RAVER1: variants seen among roughly 807,000 people sequenced by gnomAD.
RAVER1 encodes the protein ribonucleoprotein PTB-binding 1.
RAVER1 carries 36 observed loss-of-function variants against 68.4 expected under a neutral mutation model. The ratio of observed to expected loss-of-function variants is 0.53; its 90% CI spans 0.40 to 0.70. The LOEUF (loss-of-function observed/expected upper bound fraction) is 0.70. Among genes scored for constraint, RAVER1 ranks in the 30% least tolerant of loss-of-function variants. The pLI is 0.00. For missense variants in RAVER1, 933 were observed against 1,019.8 expected (o/e 0.91, Z 1.16); for synonymous variants, 469 against 472.7 (o/e 0.99, Z 0.10).
Position 10,333,241 on chromosome 19 carries a change from C to A in RAVER1, c.219+48G>T. 1 of 1,554,666 alleles carries A rather than the reference C, an allele frequency of 6.4e-7. No individual in the cohort carries two copies. The highest frequency in any genetic ancestry group is 1.9e-4 in the Middle Eastern group (1 of 5,240). On this transcript the variant is annotated intron_variant, in intron 1 of 12. Transcript: ENST00000617231. The surrounding 1 kb of genome is among the most constrained non-coding windows in gnomAD (Gnocchi z 4.2). ...TGTCGCCCGGTTCCCCCCGCGCACG[C>A]GCACCGTGGTATTTCCCGCCACGCT... is the stretch of plus-strand genomic sequence containing the variant.
rs371778144 is a variant in RAVER1, at chr19:10,322,260, T to C, written c.1173+385A>G. On this transcript the variant is annotated intron_variant, in intron 6 of 12. Coordinates refer to ENST00000617231, the MANE Select transcript of RAVER1 (RefSeq NM_133452.3). The surrounding 1 kb of genome is among the most constrained non-coding windows in gnomAD (Gnocchi z 4.3). Reference sequence around the variant, plus strand: ...TGTGTGTGTGCACACACTGAGGGGATAGACCTGGAGTTTTTTCCCAGGCAT... The same window carrying C: ...TGTGTGTGTGCACACACTGAGGGGACAGACCTGGAGTTTTTTCCCAGGCAT... 4.5e-5 allele frequency: 11 copies of C among 242,276 alleles called. No individual in the cohort carries two copies. The highest frequency in any genetic ancestry group is 1.2e-4 in the African/African-American group (5 of 43,296). The allele number at this position is 242,276 out of a possible 1,614,324, so 15.0% of individuals were successfully genotyped here.
In RAVER1 at chr19:10,322,766, G is replaced by C; in HGVS notation, c.1079-27C>G. The C allele has an allele frequency of 1.5e-6, 2 of 1,347,074 alleles. No homozygotes were observed. Among genetic ancestry groups the C allele is most frequent in the Non-Finnish European group, 2.0e-6 (2 of 1,018,966 alleles). 83.4% of individuals were successfully genotyped at this position (1,347,074 alleles called of 1,614,324 possible). A position where few individuals can be genotyped will look rare whatever the true frequency, so the allele number is the denominator to read the frequency against. On this transcript the variant is annotated intron_variant, in intron 5 of 12. Transcript: ENST00000617231. This position sits in a 1 kb window ranked among gnomAD's most constrained non-coding sequence, Gnocchi z 4.3. ...TGGAGGGAGACATAGGAGGATGTGTGGGGGTCCCTGTGTCCTCCCTGCCCC... is the reference window on the plus strand; with the variant it reads ...TGGAGGGAGACATAGGAGGATGTGTCGGGGTCCCTGTGTCCTCCCTGCCCC...
At position 10,320,688 on chromosome 19, in the gene RAVER1, T is replaced by C. The variant is rs2145068335; in HGVS notation, c.1737A>G (p.Gly579=). Residue 579 remains glycine, a synonymous_variant, in exon 9 of 13, where the codon GGA becomes GGG. Transcript: ENST00000617231. ...LSSARLPPEP[G]LSDSYSFDYP... Reference sequence around the variant, plus strand: ...AGTCGAAGCTGTAGCTGTCAGACAGTCCTGGTTCGGGGGGCAGGCGGGCGC... The same window carrying C: ...AGTCGAAGCTGTAGCTGTCAGACAGCCCTGGTTCGGGGGGCAGGCGGGCGC... The C allele has an allele frequency of 1.9e-6, 3 of 1,551,834 alleles. No homozygotes were observed. The highest frequency in any genetic ancestry group is 2.6e-6 in the Non-Finnish European group (3 of 1,154,452).
intron 3 of RAVER1, among the ~76,000 whole-genome samples, chr19:10,325,467 G>A (rs2040467940): frequency 6.6e-6 from 1 of 152,006 alleles, no homozygotes; most frequent in Admixed American, 6.6e-5. Context: ...CAGACCTCGT[G>A]ATGCACCCAC....
rs2040536024 is a variant in RAVER1, at chr19:10,333,171, T to G, written c.219+118A>C. ...CTCTCCCGATCCCGCGTGGATCCGGTGCTTGGGCGCCCCCGCCAACGACCC... is the reference window on the plus strand; with the variant it reads ...CTCTCCCGATCCCGCGTGGATCCGGGGCTTGGGCGCCCCCGCCAACGACCC... On this transcript the variant is annotated intron_variant, in intron 1 of 12. Transcript: ENST00000617231. This position sits in a 1 kb window ranked among gnomAD's most constrained non-coding sequence, Gnocchi z 4.2. 2.0e-6 allele frequency: 2 copies of G among 1,015,118 alleles called. No individual in the cohort carries two copies. Among genetic ancestry groups the G allele is most frequent in the African/African-American group, 3.2e-5 (2 of 61,920 alleles). The allele number at this position is 1,015,118 out of a possible 1,614,324, so 62.9% of individuals were successfully genotyped here.
In RAVER1 at chr19:10,329,966, T is replaced by C. The variant is rs1250277738; in HGVS notation, c.286+494A>G. Among the ~76,000 whole-genome samples the C allele has an allele frequency of 6.6e-6, 1 of 151,526 alleles. No homozygotes were observed. The highest frequency in any genetic ancestry group is 1.5e-5 in the Non-Finnish European group (1 of 67,884). On this transcript the variant is annotated intron_variant, in intron 2 of 12. Coordinates refer to ENST00000617231, the MANE Select transcript of RAVER1 (RefSeq NM_133452.3). This position sits in a 1 kb window ranked among gnomAD's most constrained non-coding sequence, Gnocchi z 4.6. ...GTAGAAACCCTGTCTCTACTAAAAATACAAAAATTAGCCGGGCATGGTGGC... is the reference window on the plus strand; with the variant it reads ...GTAGAAACCCTGTCTCTACTAAAAACACAAAAATTAGCCGGGCATGGTGGC...
At position 10,322,304 on chromosome 19, in the gene RAVER1, CAGAGTCTATTCACAAACTGGT is replaced by C. The variant is rs1236068385; in HGVS notation, c.1173+320_1173+340del. 1.9e-5 allele frequency: 6 copies of C among 323,138 alleles called. No individual in the cohort carries two copies. Among genetic ancestry groups the C allele is most frequent in the African/African-American group, 1.3e-4 (6 of 45,360 alleles). The allele number at this position is 323,138 out of a possible 1,614,324, so 20.0% of individuals were successfully genotyped here. On this transcript the variant is annotated intron_variant, in intron 6 of 12. Coordinates refer to ENST00000617231, the MANE Select transcript of RAVER1 (RefSeq NM_133452.3). This position sits in a 1 kb window ranked among gnomAD's most constrained non-coding sequence, Gnocchi z 4.3. The stretch of plus-strand genomic sequence containing the variant: ...CAGGCATGTCTATAGAGCTTCCGAG[CAGAGTCTATTCACAAACTGGT>C]GCCCAGCAGCGGCGCTCCCAGCCCA...
intron 1 of RAVER1, among the ~76,000 whole-genome samples, chr19:10,331,356 C>CAAAAAAAAAAAAAAAAAA (rs58419369): frequency 6.9e-5 from 2 of 29,172 alleles, no homozygotes; most frequent in Non-Finnish European, 1.1e-4. Context: ...GACTCCGTCT[C>CAAAAAAAAAAAAAAAAAA]AAAAAAAAAA....
intron 10 of RAVER1, 109 bp downstream of exon 10, chr19:10,319,057 A>G: frequency 9.4e-6 from 10 of 1,064,064 alleles, no homozygotes; most frequent in East Asian, 2.7e-5. Flanking sequence ...AAAAACCCAC[A>G]AAGAACACAC....
Position 10,328,774 on chromosome 19 carries a change from C to T in RAVER1, c.624G>A (p.Thr208=), listed in dbSNP as rs760895747. ...LGPRTLYVHW[T]DAGQLTPALL... ...GGGCAGGCGTCAGTTGCCCGGCATC[C>T]GTCCAGTGCACGTAGAGGGTGCGTG... The change falls in exon 3 of 13, where the codon ACG becomes ACA. Residue 208 remains threonine, a synonymous_variant. Transcript: ENST00000617231. The surrounding 1 kb of genome is among the most constrained non-coding windows in gnomAD (Gnocchi z 4.4). 9.0e-5 allele frequency: 145 copies of T among 1,612,994 alleles called. No individual in the cohort carries two copies. The highest frequency in any genetic ancestry group is 3.7e-4 in the Admixed American group (22 of 59,990).
chr19:10,317,425 G>A lies in RAVER1; in HGVS notation c.*29C>T. 6.2e-7 allele frequency: 1 copy of A among 1,611,390 alleles called. No homozygotes were observed. Among genetic ancestry groups the A allele is most frequent in the African/African-American group, 1.3e-5 (1 of 75,014 alleles). On this transcript the variant is annotated 3_prime_UTR_variant, in exon 13 of 13. Coordinates refer to ENST00000617231, the MANE Select transcript of RAVER1 (RefSeq NM_133452.3). The surrounding 1 kb of genome is among the most constrained non-coding windows in gnomAD (Gnocchi z 4.3). ...AAAACCCAAAAGCGATTTGGTGCAG[G>A]CCCTTGAGTTATCTCTGGTGCCAGC... is the stretch of plus-strand genomic sequence containing the variant.
chr19:10,320,099 C>T (rs2040424409), intron 9 of RAVER1, among the ~76,000 whole-genome samples: 1 of 152,094 alleles, frequency 6.6e-6, no homozygotes, highest in South Asian at 2.1e-4. Flanking sequence ...GAGAGAAAGA[C>T]AGACGCAGGA....
chr19:10,318,308 G>A lies in RAVER1; in HGVS notation c.1910C>T (p.Ser637Phe), dbSNP rs1482557403. The A allele has an allele frequency of 6.3e-7, 1 of 1,594,844 alleles. No homozygotes were observed. The highest frequency in any genetic ancestry group is 8.5e-7 in the Non-Finnish European group (1 of 1,172,238). The change falls in exon 11 of 13, where the codon TCT becomes TTT. Residue 637 changes from serine to phenylalanine, a missense_variant. Physicochemically the swap from Ser to Phe is radical, Grantham distance 155 (BLOSUM62 -2). Around this residue, in one of 3 missense-constraint regions of RAVER1, gnomAD observed 699 missense variants for 731.1 expected, o/e 0.96. Coordinates refer to ENST00000617231, the MANE Select transcript of RAVER1 (RefSeq NM_133452.3). ...AGTGGGCGAGCCTGAATAGAAGTGAGACAGGGGGCCCCCGCCACTCCCACC... is the reference window on the plus strand; with the variant it reads ...AGTGGGCGAGCCTGAATAGAAGTGAAACAGGGGGCCCCCGCCACTCCCACC... ...SSGGSGGGPL[S>F]HFYSGSPTSY...
chr19:10,318,365 G>C lies in RAVER1; in HGVS notation c.1853C>G (p.Pro618Arg). The change falls in exon 11 of 13, where the codon CCC becomes CGC. Residue 618 changes from proline to arginine, a missense_variant. Physicochemically the swap from Pro to Arg is moderately radical, Grantham distance 103. Around this residue, in one of 3 missense-constraint regions of RAVER1, gnomAD observed 699 missense variants for 731.1 expected, o/e 0.96. Coordinates refer to ENST00000617231, the MANE Select transcript of RAVER1 (RefSeq NM_133452.3). ...PHGPSRHKMS[P>R]PPSGFGERSS... ...CCGTTCGCCGAAGCCACTGGGCGGG[G>C]GGGACATCTGTAGAAGAAGGGCCGG... 6.3e-7 allele frequency: 1 copy of C among 1,598,242 alleles called. No individual in the cohort carries two copies.
Position 10,319,167 on chromosome 19 carries a change from TTG to T in RAVER1, c.1842_1843del (p.His614GlnfsTer49). The T allele has an allele frequency of 6.2e-7, 1 of 1,613,772 alleles. No individual in the cohort carries two copies. Among genetic ancestry groups the T allele is most frequent in the Non-Finnish European group, 8.5e-7 (1 of 1,179,692 alleles). On this transcript the variant is annotated frameshift_variant and splice_region_variant, in exon 10 of 13. Coordinates refer to ENST00000617231, the MANE Select transcript of RAVER1 (RefSeq NM_133452.3). LOFTEE classifies it high-confidence loss of function. ...CATGCCATACCAGGTGGCTCTTACC[TTG>T]TGTCGGCTGGGTCCGTGAGGCCCAA...
rs1465355159 is a variant in RAVER1 at position 10,316,252 on chromosome 19, A to C, written c.*1202T>G. On this transcript the variant is annotated 3_prime_UTR_variant, in exon 13 of 13. Transcript: ENST00000617231. The stretch of plus-strand genomic sequence containing the variant: ...TTACTTACAAACTTTAATTCAGCAA[A>C]GGTCCGTGTGGGGAGACTGGGGTGG... The C allele has an allele frequency of 5.3e-6, 7 of 1,317,836 alleles. No individual in the cohort carries two copies. The highest frequency in any genetic ancestry group is 6.7e-6 in the Non-Finnish European group (7 of 1,037,066). The allele number at this position is 1,317,836 out of a possible 1,614,324, so 81.6% of individuals were successfully genotyped here.
At chr19:10,318,162 C>A in intron 11 of RAVER1, 67 bp downstream of exon 11, 4 of 1,417,544 alleles carry the variant, frequency 2.8e-6, no homozygotes, top group East Asian at 2.5e-5. Context: ...TACAGAGCCC[C>A]GGTGGCAGGC....
intron 3 of RAVER1, among the ~76,000 whole-genome samples, chr19:10,325,686 C>T (rs1303510199): frequency 6.6e-6 from 1 of 152,072 alleles, no homozygotes; most frequent in Non-Finnish European, 1.5e-5. Flanking sequence ...TGATGCATTC[C>T]TGTAGTTCCC....
At position 10,317,520 on chromosome 19, in the gene RAVER1, G is replaced by GC. The variant is rs1230474918; in HGVS notation, c.2153dup (p.Gln719ProfsTer29). 1 of 1,613,584 alleles carries GC rather than the reference G, an allele frequency of 6.2e-7. No homozygotes were observed. The highest frequency in any genetic ancestry group is 1.7e-5 in the Admixed American group (1 of 60,018). ...GGCCGCCGAGGCCCTGGGAGTGCTG[G>GC]CCCACATAGCTGCCTTCTGGGCTGG... On this transcript the variant is annotated frameshift_variant, in exon 13 of 13. Coordinates refer to ENST00000617231, the MANE Select transcript of RAVER1 (RefSeq NM_133452.3). LOFTEE classifies it high-confidence loss of function. This position sits in a 1 kb window ranked among gnomAD's most constrained non-coding sequence, Gnocchi z 4.3.
Sources: allele counts gnomAD v4.1 joint callset (sites outside exome capture counted in the v4.1 genomes callset), GRCh38; gene constraint gnomAD v4.1.1; regional missense constraint gnomAD v4.1.1; non-coding constraint Gnocchi (gnomAD v3.1); transcripts MANE v1.5; gene names NCBI Gene and HGNC (gene_info 2026-07-23, HGNC 2026-07-21).